Variants in ANK1 observed in about 807,000 individuals in gnomAD.
ANK1 encodes ankyrin-1.
In ANK1, 51 loss-of-function variants were observed where a neutral mutation model predicts 210.4. That is an observed-to-expected ratio of 0.24 (90% CI 0.19 to 0.31). The LOEUF (loss-of-function observed/expected upper bound fraction) is 0.31. Ranked by LOEUF, ANK1 falls within the 10% of genes least tolerant of loss-of-function variation. The pLI is 1.00. For missense variants in ANK1, 2,051 were observed against 2,504.4 expected (o/e 0.82, Z 3.86); for synonymous variants, 967 against 1,025.9 (o/e 0.94, Z 1.10).
Position 41,797,371 on chromosome 8 carries a change from T to C in ANK1, c.27+141A>G. ...CAGCTACAAGGTCGATGTGCCGCTA[T>C]GCTAAGGCAGGGAGCCCACGGGGAG... On this transcript the variant is annotated intron_variant, in intron 1 of 42. Coordinates refer to ENST00000289734, the MANE Select transcript of ANK1 (RefSeq NM_000037.4). This position sits in a 1 kb window ranked among gnomAD's most constrained non-coding sequence, Gnocchi z 4.0. The C allele has an allele frequency of 1.4e-6, 1 of 722,962 alleles. No homozygotes were observed. Among genetic ancestry groups the C allele is most frequent in the Non-Finnish European group, 2.4e-6 (1 of 410,712 alleles). The allele number at this position is 722,962 out of a possible 1,614,324, so 44.8% of individuals were successfully genotyped here.
intron 39 of ANK1, among the ~76,000 whole-genome samples, chr8:41,666,756 C>T (rs532626149): frequency 5.9e-5 from 9 of 152,372 alleles, no homozygotes; most frequent in East Asian, 1.9e-4. Flanking sequence ...CTCTGATCGG[C>T]GTCTCCAGTT....
chr8:41,771,631 G>A (rs1180635217), intron 1 of ANK1, among the ~76,000 whole-genome samples: 10 of 152,136 alleles, frequency 6.6e-5, no homozygotes, highest in East Asian at 5.8e-4. Flanking sequence ...GGCTTTTCCC[G>A]TCTTGCTAAA....
chr8:41,717,736 G>T, intron 11 of ANK1, 34 bp from the exon 12 acceptor site: 1 of 1,500,976 alleles, frequency 6.7e-7, no homozygotes, highest in Non-Finnish European at 9.1e-7. Flanking sequence ...CGATAAGTGG[G>T]AGTCTTTCCG....
chr8:41,885,615 A>G (rs1246696058), intron 1 of ANK1, among the ~76,000 whole-genome samples: 1 of 152,156 alleles, frequency 6.6e-6, no homozygotes, highest in Non-Finnish European at 1.5e-5. Context: ...CCAAGGCTTC[A>G]CAGGCTAAAC....
At chr8:41,772,314 A>G (rs1843116376) in intron 1 of ANK1, among the ~76,000 whole-genome samples, 1 of 152,242 alleles carries the variant, frequency 6.6e-6, no homozygotes, top group African/African-American at 2.4e-5. Context: ...CTTCATCAGT[A>G]AAGTGAAAAT....
chr8:41,730,310 G>A (rs893441855), intron 3 of ANK1, among the ~76,000 whole-genome samples: 1 of 152,206 alleles, frequency 6.6e-6, no homozygotes, highest in African/African-American at 2.4e-5. Flanking sequence ...GGTAATTCAA[G>A]CATAAAGCCT....
At position 41,741,376 on chromosome 8, in the gene ANK1, A is replaced by T. The variant is rs1250470856; in HGVS notation, c.130-7307T>A. Among the ~76,000 whole-genome samples, 3 of 152,096 alleles carry T rather than the reference A, an allele frequency of 2.0e-5. No homozygotes were observed. The East Asian group carries it at 5.8e-4, about 29-fold the overall frequency. On this transcript the variant is annotated intron_variant, in intron 2 of 42. Coordinates refer to ENST00000289734, the MANE Select transcript of ANK1 (RefSeq NM_000037.4). ...AATACTTCTCATGGGGGCCCCGTGG[A>T]GAAAAGCCTGTTCCAGACACACTGG...
chr8:41,723,654 G>T, intron 7 of ANK1, 21 bp from the exon 8 acceptor site: 2 of 1,608,056 alleles, frequency 1.2e-6, no homozygotes, highest in South Asian at 2.2e-5. Flanking sequence ...GAAGCAGGAC[G>T]GTCAGGGCGC....
chr8:41,833,208 A>T (rs1047929196), intron 1 of ANK1, among the ~76,000 whole-genome samples: 3 of 152,138 alleles, frequency 2.0e-5, no homozygotes, highest in Admixed American at 1.3e-4. Flanking sequence ...CTCTCAGAGG[A>T]CACAGCGATC....
chr8:41,783,759 A>G (rs530280950), intron 1 of ANK1, among the ~76,000 whole-genome samples: 4 of 152,278 alleles, frequency 2.6e-5, no homozygotes, highest in Admixed American at 6.5e-5. Context: ...AAACCAAGGA[A>G]GCATATTACA....
At chr8:41,710,296 T>C (rs1187490437) in intron 16 of ANK1, among the ~76,000 whole-genome samples, 1 of 152,172 alleles carries the variant, frequency 6.6e-6, no homozygotes, top group Non-Finnish European at 1.5e-5. Context: ...TTTATTATCC[T>C]ATTGTGTGGA....
Position 41,787,926 on chromosome 8 carries a change from C to T in ANK1, c.27+9586G>A, listed in dbSNP as rs951046126. On this transcript the variant is annotated intron_variant, in intron 1 of 42. Transcript: ENST00000289734. The stretch of plus-strand genomic sequence containing the variant: ...TGACCTAGAAATGGCTACCATAATA[C>T]ACCACCCTGCCCCCCAGTACCCCTG... 5.3e-5 allele frequency among the ~76,000 whole-genome samples: 8 copies of T among 152,240 alleles called. No homozygotes were observed. In the East Asian group the frequency reaches 1.4e-3, roughly 26 times the overall value.
At chr8:41,743,476 G>A (rs781382726) in intron 2 of ANK1, among the ~76,000 whole-genome samples, 2 of 152,214 alleles carry the variant, frequency 1.3e-5, no homozygotes, top group African/African-American at 2.4e-5. Flanking sequence ...AGCTGAAGGA[G>A]TGCTTTCCCA....
chr8:41,668,500 A>G lies in ANK1; in HGVS notation c.5161T>C (p.Trp1721Arg), dbSNP rs1251500271. 3.1e-6 allele frequency: 5 copies of G among 1,614,098 alleles called. No homozygotes were observed. The highest frequency in any genetic ancestry group is 2.2e-5 in the East Asian group (1 of 44,896). Residue 1721 changes from tryptophan to arginine, a missense_variant, in exon 39 of 43, where the codon TGG (tryptophan) becomes CGG (arginine). Coordinates refer to ENST00000289734, the MANE Select transcript of ANK1 (RefSeq NM_000037.4). ...GGACCTTGCGTGACCTCCTCTTGCC[A>G]GGAACCTTGTGCAGCATCTTGCAGG... ...SYLQDAAQGS[W>R]QEEVTQGPHS... is the part of the protein sequence containing the mutation.
intron 37 of ANK1, among the ~76,000 whole-genome samples, chr8:41,683,593 C>A (rs932590067): frequency 6.6e-6 from 1 of 152,250 alleles, no homozygotes; most frequent in African/African-American, 2.4e-5. Flanking sequence ...GACGCGTCAG[C>A]CACCTGAGGA....
intron 1 of ANK1, among the ~76,000 whole-genome samples, chr8:41,782,522 G>A (rs1298174882): frequency 6.6e-6 from 1 of 152,154 alleles, no homozygotes; most frequent in Non-Finnish European, 1.5e-5. Flanking sequence ...CGTACGGACT[G>A]AGTGAGCCCT....
chr8:41,793,026 A>G (rs888453071), intron 1 of ANK1, among the ~76,000 whole-genome samples: 1 of 152,252 alleles, frequency 6.6e-6, no homozygotes, highest in Admixed American at 6.5e-5. Context: ...GTCCAAGTGC[A>G]GCCTGTTGAA....
chr8:41,873,989 C>T (rs1283877489), intron 1 of ANK1, among the ~76,000 whole-genome samples: 1 of 152,270 alleles, frequency 6.6e-6, no homozygotes, highest in Non-Finnish European at 1.5e-5. Context: ...ACACAATGCA[C>T]ACATGCAGGC....
At chr8:41,714,345 C>T (rs554560) in intron 15 of ANK1, 91 bp from the exon 16 acceptor site, 2 of 950,350 alleles carry the variant, frequency 2.1e-6, no homozygotes, top group Admixed American at 3.0e-5. Flanking sequence ...CTATTTTATA[C>T]AGTAAAATCC....
Sources: gnomAD v4.1 joint callset for allele counts (sites outside exome capture counted in the v4.1 genomes callset) on GRCh38, gnomAD v4.1.1 for gene constraint, Gnocchi (gnomAD v3.1) non-coding constraint, MANE v1.5 for transcripts, NCBI Gene and HGNC (gene_info 2026-07-23, HGNC 2026-07-21) for gene names.